The following SSH2 variants were observed in gnomAD, a reference collection of about 807,000 sequenced individuals.
The protein encoded by SSH2 is protein phosphatase Slingshot homolog 2.
Under a neutral mutation model 135.2 loss-of-function variants are expected in SSH2, and 37 were observed. The ratio of observed to expected loss-of-function variants is 0.27; its 90% CI spans 0.21 to 0.36. The LOEUF is 0.36. Ranked by LOEUF, SSH2 falls within the 10% of genes least tolerant of loss-of-function variation. SSH2 has a pLI of 1.00. For missense variants in SSH2, 1,408 were observed against 1,765.3 expected (o/e 0.80, Z 3.63); for synonymous variants, 628 against 646.2 (o/e 0.97, Z 0.43).
At chr17:29,721,926 C>CT (rs2039834740) in intron 3 of SSH2, among the ~76,000 whole-genome samples, 1 of 152,240 alleles carries the variant, frequency 6.6e-6, no homozygotes, top group Admixed American at 6.5e-5. Flanking sequence ...ATAGACATGT[C>CT]TTTTTTCTAA....
intron 1 of SSH2, among the ~76,000 whole-genome samples, chr17:29,894,809 T>A (rs2066413482): frequency 6.6e-6 from 1 of 151,948 alleles, no homozygotes; most frequent in South Asian, 2.1e-4. Flanking sequence ...TCTAGACCCT[T>A]CCTTCTCAAT....
chr17:29,833,972 T>C (rs1037914450), intron 2 of SSH2, among the ~76,000 whole-genome samples: 34 of 146,412 alleles, frequency 2.3e-4, no homozygotes, highest in African/African-American at 8.7e-4. Flanking sequence ...CTCCCTTTTT[T>C]GAAAGTTATT....
chr17:29,835,655 G>A (rs1475283290), intron 2 of SSH2, among the ~76,000 whole-genome samples: 1 of 152,198 alleles, frequency 6.6e-6, no homozygotes, highest in Admixed American at 6.5e-5. Flanking sequence ...TCATGCAAAT[G>A]CACCTAGTGC....
At chr17:29,828,964 C>T (rs1478545116) in intron 2 of SSH2, among the ~76,000 whole-genome samples, 1 of 152,182 alleles carries the variant, frequency 6.6e-6, no homozygotes, top group South Asian at 2.1e-4. Flanking sequence ...TTTCCATCTC[C>T]AAATGACATT....
chr17:29,917,783 A>G (rs2066909392), intron 1 of SSH2, among the ~76,000 whole-genome samples: 1 of 151,924 alleles, frequency 6.6e-6, no homozygotes, highest in East Asian at 1.9e-4. Context: ...TGAACTCAGG[A>G]AGCGGAGGTT....
At chr17:29,704,796 A>G (rs1057347048) in intron 3 of SSH2, among the ~76,000 whole-genome samples, 1 of 152,074 alleles carries the variant, frequency 6.6e-6, no homozygotes, top group Non-Finnish European at 1.5e-5. Context: ...ATATCAATAA[A>G]CTAAATAAGC....
intron 1 of SSH2, among the ~76,000 whole-genome samples, chr17:29,898,166 A>G (rs1012574348): frequency 2.0e-5 from 3 of 152,182 alleles, no homozygotes; most frequent in Non-Finnish European, 4.4e-5. Flanking sequence ...AATGCCCACA[A>G]GAGAAAGCAG....
intron 3 of SSH2, among the ~76,000 whole-genome samples, chr17:29,709,370 A>AT (rs1452162629): frequency 1.3e-5 from 2 of 152,340 alleles, no homozygotes; most frequent in Middle Eastern, 3.4e-3. Flanking sequence ...TTTCAACAGA[A>AT]TAGAATTTAA....
chr17:29,833,169 T>TGG (rs2042877834), intron 2 of SSH2, among the ~76,000 whole-genome samples: 1 of 152,232 alleles, frequency 6.6e-6, no homozygotes, highest in Non-Finnish European at 1.5e-5. Flanking sequence ...ATCTTTCCAA[T>TGG]ATTGAAAGTG....
intron 3 of SSH2, among the ~76,000 whole-genome samples, chr17:29,739,852 T>C (rs1427617787): frequency 6.6e-6 from 1 of 152,232 alleles, no homozygotes; most frequent in Non-Finnish European, 1.5e-5. Flanking sequence ...AGAAATCATT[T>C]CTGGAGAGAA....
intron 3 of SSH2, among the ~76,000 whole-genome samples, chr17:29,713,920 T>C (rs1300524385): frequency 6.6e-6 from 1 of 151,968 alleles, no homozygotes; most frequent in Non-Finnish European, 1.5e-5. Context: ...TCAAGTAACT[T>C]CCCAACACAC....
chr17:29,703,507 A>G (rs2039073366), intron 3 of SSH2, among the ~76,000 whole-genome samples: 1 of 152,192 alleles, frequency 6.6e-6, no homozygotes, highest in Non-Finnish European at 1.5e-5. Context: ...TCGGCCTCCC[A>G]AAGTGCTGGG....
At chr17:29,764,093 G>A (rs2041388639) in intron 3 of SSH2, among the ~76,000 whole-genome samples, 1 of 152,038 alleles carries the variant, frequency 6.6e-6, no homozygotes, top group South Asian at 2.1e-4. Context: ...GGGATTACAG[G>A]TGTGTGCCAC....
At chr17:29,783,318 TTATA>T (rs372884691) in intron 3 of SSH2, among the ~76,000 whole-genome samples, 25 of 142,126 alleles carry the variant, frequency 1.8e-4, no homozygotes, top group African/African-American at 5.2e-4. Flanking sequence ...ATAACATATA[TTATA>T]TATATATATA....
At chr17:29,672,360 C>A (rs73280644) in intron 8 of SSH2, among the ~76,000 whole-genome samples, 1 of 152,008 alleles carries the variant, frequency 6.6e-6, no homozygotes, top group South Asian at 2.1e-4. Context: ...AGGGAGAAGG[C>A]GGGGAAGGAC....
chr17:29,761,090 C>T, intron 3 of SSH2: 1 of 1,284,782 alleles, frequency 7.8e-7, no homozygotes, highest in African/African-American at 1.5e-5. Context: ...GGGAAAGCGG[C>T]TGCTGAAAGA....
intron 3 of SSH2, among the ~76,000 whole-genome samples, chr17:29,750,859 C>CA (rs77910570): frequency 0.11 from 8,808 of 83,466 alleles, 867 homozygotes; most frequent in African/African-American, 0.3. Context: ...ACCAAAAATA[C>CA]AAAAAAAAAA....
At position 29,848,945 on chromosome 17, in the gene SSH2, G is replaced by C; in HGVS notation, c.64-16C>G. 1 of 1,510,998 alleles carries C rather than the reference G, an allele frequency of 6.6e-7. No homozygotes were observed. The highest frequency in any genetic ancestry group is 8.9e-7 in the Non-Finnish European group (1 of 1,125,348). The allele number at this position is 1,510,998 out of a possible 1,614,324, so 93.6% of individuals were successfully genotyped here. On this transcript the variant is annotated splice_polypyrimidine_tract_variant and intron_variant, in intron 1 of 15. Coordinates refer to ENST00000540801, the MANE Select transcript of SSH2 (RefSeq NM_001282129.2). ...AATGAGAGCTCTGTAATACAAACAA[G>C]ATCATTTCAGAGATCCAAACGAATG...
intron 11 of SSH2, among the ~76,000 whole-genome samples, chr17:29,666,170 C>T (rs557288889): frequency 6.6e-6 from 1 of 152,064 alleles, no homozygotes; most frequent in Non-Finnish European, 1.5e-5. Flanking sequence ...CTCAGGAGTT[C>T]GAGACCACCC....
Sources: gnomAD v4.1 joint callset for allele counts (sites outside exome capture counted in the v4.1 genomes callset) on GRCh38, gnomAD v4.1.1 for gene constraint, MANE v1.5 for transcripts, NCBI Gene and HGNC (gene_info 2026-07-23, HGNC 2026-07-21) for gene names.